The following LRP1B variants were observed in gnomAD, a reference collection of about 807,000 sequenced individuals.
The protein encoded by LRP1B is low-density lipoprotein receptor-related protein 1B.
LRP1B carries 217 observed loss-of-function variants against 556.6 expected under a neutral mutation model. The observed-to-expected ratio is 0.39, with a 90% CI of 0.35 to 0.44. LRP1B has a LOEUF of 0.44. LRP1B is among the 20% of genes least tolerant of loss of function. The pLI, the probability that LRP1B is intolerant of heterozygous loss-of-function variation, is 1.00. For missense variants in LRP1B, 5,053 were observed against 5,620.8 expected (o/e 0.90, Z 3.23); for synonymous variants, 2,047 against 1,865.8 (o/e 1.10, Z -2.50).
chr2:140,573,077 A>G (rs1420603090), intron 43 of LRP1B, among the ~76,000 whole-genome samples: 3 of 151,828 alleles, frequency 2.0e-5, no homozygotes, highest in Non-Finnish European at 3.0e-5. Flanking sequence ...CTAGTGTTCT[A>G]TAGCACTGTA....
chr2:140,274,374 G>A (rs1238024800), intron 85 of LRP1B, 50 bp downstream of exon 85: 1 of 1,480,700 alleles, frequency 6.8e-7, no homozygotes, highest in Non-Finnish European at 9.4e-7. Context: ...GAACTGCAAT[G>A]TCCATTGGTG....
intron 3 of LRP1B, among the ~76,000 whole-genome samples, chr2:141,365,346 G>A (rs1357536749): frequency 1.3e-5 from 2 of 151,846 alleles, no homozygotes; most frequent in Non-Finnish European, 2.9e-5. Context: ...CACTGCATCC[G>A]GCTTTATCAT....
intron 2 of LRP1B, among the ~76,000 whole-genome samples, chr2:141,500,497 T>C (rs932536550): frequency 6.6e-6 from 1 of 152,138 alleles, no homozygotes; most frequent in Non-Finnish European, 1.5e-5. Flanking sequence ...ACCATATGTT[T>C]AAAAAATCAA....
chr2:141,341,719 A>C (rs2105517378), intron 3 of LRP1B, among the ~76,000 whole-genome samples: 1 of 152,290 alleles, frequency 6.6e-6, no homozygotes, highest in East Asian at 1.9e-4. Flanking sequence ...GCCTTGCCAC[A>C]AAAACCATTC....
chr2:140,235,077 A>G (rs1259327414), intron 89 of LRP1B, among the ~76,000 whole-genome samples, 193 bp from the exon 90 acceptor site: 2 of 151,172 alleles, frequency 1.3e-5, no homozygotes, highest in African/African-American at 2.4e-5. Flanking sequence ...TAAAGATCCA[A>G]TATTAATATT....
intron 43 of LRP1B, among the ~76,000 whole-genome samples, chr2:140,555,710 A>C (rs1256705061): frequency 2.0e-5 from 3 of 152,098 alleles, no homozygotes; most frequent in Non-Finnish European, 4.4e-5. Flanking sequence ...TAACTTTTAG[A>C]ATGGATTTTC....
chr2:141,818,359 A>T (rs555744815), intron 1 of LRP1B, among the ~76,000 whole-genome samples: 1 of 152,172 alleles, frequency 6.6e-6, no homozygotes, highest in Non-Finnish European at 1.5e-5. Context: ...AAAAATGTAC[A>T]TATGTAGATA....
At chr2:140,667,320 G>A (rs1003243592) in intron 41 of LRP1B, among the ~76,000 whole-genome samples, 2 of 152,072 alleles carry the variant, frequency 1.3e-5, no homozygotes, top group African/African-American at 2.4e-5. Context: ...GATACCACCC[G>A]GAGACATCAG....
intron 56 of LRP1B, among the ~76,000 whole-genome samples, chr2:140,495,313 CTTTTTT>C: frequency 7.5e-6 from 1 of 133,752 alleles, no homozygotes. Flanking sequence ...AGAGATAGTT[CTTTTTT>C]TTTTTTTTTT....
At chr2:140,475,068 A>T in intron 60 of LRP1B, 70 bp downstream of exon 60, 1 of 634,056 alleles carries the variant, frequency 1.6e-6, no homozygotes. Flanking sequence ...CATATAAAAT[A>T]AATATATATT....
chr2:140,764,429 T>C (rs1016659743), intron 35 of LRP1B, among the ~76,000 whole-genome samples: 3 of 152,076 alleles, frequency 2.0e-5, no homozygotes, highest in Non-Finnish European at 4.4e-5. Context: ...TTGATCTCTT[T>C]GGTTTCCAGT....
chr2:141,058,389 G>T (rs541217450), intron 9 of LRP1B, among the ~76,000 whole-genome samples: 27 of 151,718 alleles, frequency 1.8e-4, no homozygotes, highest in Non-Finnish European at 3.5e-4. Flanking sequence ...ATCTCCTGTA[G>T]AAACAACTGG....
chr2:141,143,445 C>T (rs1210198942), intron 7 of LRP1B, among the ~76,000 whole-genome samples: 1 of 152,078 alleles, frequency 6.6e-6, no homozygotes, highest in African/African-American at 2.4e-5. Context: ...CTGAAATAAT[C>T]TGGTTAATTT....
At chr2:140,744,331 C>T (rs1360010533) in intron 35 of LRP1B, among the ~76,000 whole-genome samples, 2 of 151,984 alleles carry the variant, frequency 1.3e-5, no homozygotes, top group African/African-American at 4.8e-5. Flanking sequence ...AAAATAAAAG[C>T]ACATATAACA....
At chr2:140,718,680 C>A (rs1309757594) in intron 35 of LRP1B, among the ~76,000 whole-genome samples, 1 of 152,056 alleles carries the variant, frequency 6.6e-6, no homozygotes, top group Non-Finnish European at 1.5e-5. Context: ...CTAGTCACTT[C>A]CCATCTCATC....
rs116099554 is a variant in LRP1B, at chr2:140,338,234, T to C, written c.11893-2396A>G. On this transcript the variant is annotated intron_variant, in intron 77 of 90. Transcript: ENST00000389484. ...TGGGGTAAAAAATAGACACATGCAA[T>C]TAATTCAAACTAAATTTATGATATC... is the stretch of plus-strand genomic sequence containing the variant. 4.7e-3 allele frequency among the ~76,000 whole-genome samples: 709 copies of C among 151,816 alleles called. 3 individuals are homozygous for C. Among genetic ancestry groups the C allele is most frequent in the Non-Finnish European group, 7.6e-3 (517 of 67,808 alleles).
chr2:140,495,533 G>A (rs1688885411), intron 56 of LRP1B, 32 bp downstream of exon 56: 2 of 1,552,518 alleles, frequency 1.3e-6, no homozygotes, highest in East Asian at 4.6e-5. Context: ...GTATAACTGA[G>A]GTTGGATCAG....
chr2:140,232,999 C>T lies in LRP1B; in HGVS notation c.*187G>A, dbSNP rs565491883. 4.8e-6 allele frequency: 2 copies of T among 416,784 alleles called. No homozygotes were observed. Among genetic ancestry groups the T allele is most frequent in the South Asian group, 6.6e-5 (1 of 15,232 alleles). The allele number at this position is 416,784 out of a possible 1,614,324, so 25.8% of individuals were successfully genotyped here. On this transcript the variant is annotated 3_prime_UTR_variant, in exon 91 of 91. Transcript: ENST00000389484. Reference sequence around the variant, plus strand: ...AGTGCAGTTCTTTTTCATAAAAATACCATACAAATGGTCAATCAATAGTCA... The same window carrying T: ...AGTGCAGTTCTTTTTCATAAAAATATCATACAAATGGTCAATCAATAGTCA...
At chr2:140,409,078 T>C (rs994483533) in intron 66 of LRP1B, among the ~76,000 whole-genome samples, 5 of 151,952 alleles carry the variant, frequency 3.3e-5, no homozygotes, top group Non-Finnish European at 5.9e-5. Flanking sequence ...TTTAGGTCTT[T>C]GTCAAATTAA....
Sources: gnomAD v4.1 joint callset for allele counts (sites outside exome capture counted in the v4.1 genomes callset) on GRCh38, gnomAD v4.1.1 for gene constraint, MANE v1.5 for transcripts, NCBI Gene and HGNC (gene_info 2026-07-23, HGNC 2026-07-21) for gene names.